Variants in NYAP2 observed in about 807,000 individuals in gnomAD.
The protein encoded by NYAP2 is neuronal tyrosine-phosphorylated phosphoinositide-3-kinase adapter 2.
Under a neutral mutation model 50.4 loss-of-function variants are expected in NYAP2, and 23 were observed. That is an observed-to-expected ratio of 0.46 (90% CI 0.33 to 0.65). The LOEUF (loss-of-function observed/expected upper bound fraction) is 0.65. Ranked by LOEUF, NYAP2 falls within the 30% of genes least tolerant of loss-of-function variation. The pLI is 0.02. For missense variants in NYAP2, 885 were observed against 861.0 expected, an observed-to-expected ratio of 1.03 and a Z score of -0.35; for synonymous variants, 394 against 365.2, an observed-to-expected ratio of 1.08 and a Z score of -0.90.
intron 3 of NYAP2, among the ~76,000 whole-genome samples, chr2:225,431,268 T>C (rs1340909169): frequency 6.6e-6 from 1 of 152,266 alleles, no homozygotes; most frequent in Non-Finnish European, 1.5e-5. Context: ...GTGATCTCCA[T>C]ATGCTGCTGT....
At chr2:225,445,212 T>C (rs1022156267) in intron 3 of NYAP2, among the ~76,000 whole-genome samples, 2 of 152,172 alleles carry the variant, frequency 1.3e-5, no homozygotes, top group Non-Finnish European at 2.9e-5. Context: ...TTTACCAAAA[T>C]ACCACGTTCA....
chr2:225,683,010 TC>T, the NYAP2 span, among the ~76,000 whole-genome samples: 60,881 of 150,950 alleles, frequency 0.4, 14,098 homozygotes, highest in African/African-American at 0.66. Flanking sequence ...AATAGTCATT[TC>T]CCCCCCCCAT....
At position 225,582,712 on chromosome 2, in the gene NYAP2, G is replaced by C; in HGVS notation, c.1295G>C (p.Ser432Thr). 6.2e-7 allele frequency: 1 copy of C among 1,608,836 alleles called. No homozygotes were observed. The highest frequency in any genetic ancestry group is 8.5e-7 in the Non-Finnish European group (1 of 1,176,754). Reference sequence around the variant, plus strand: ...CAGTCTCCCCATGGCTACCCTAAAAGTCACTCCACCTCTCCCTCCCCCGTC... The same window carrying C: ...CAGTCTCCCCATGGCTACCCTAAAACTCACTCCACCTCTCCCTCCCCCGTC... Residue 432 changes from serine to threonine, a missense_variant, in exon 5 of 7, where the codon AGT becomes ACT. Transcript: ENST00000636099. This position sits in a 1 kb window ranked among gnomAD's most constrained non-coding sequence, Gnocchi z 7.0.
chr2:225,415,245 C>G (rs1023293628), intron 3 of NYAP2, among the ~76,000 whole-genome samples: 1 of 152,110 alleles, frequency 6.6e-6, no homozygotes, highest in South Asian at 2.1e-4. Flanking sequence ...TGAAAGCTAT[C>G]TGTATTTGAA....
the NYAP2 span, among the ~76,000 whole-genome samples, chr2:225,676,100 T>A: frequency 8.5e-5 from 13 of 152,154 alleles, no homozygotes; most frequent in African/African-American, 3.1e-4. Flanking sequence ...TCATTCTATA[T>A]GCTGTATGTT....
the NYAP2 span, among the ~76,000 whole-genome samples, chr2:225,676,721 C>T: frequency 2.6e-5 from 4 of 152,172 alleles, no homozygotes; most frequent in African/African-American, 4.8e-5. Context: ...CCTCTCACAA[C>T]ATGTGGAAAT....
intron 3 of NYAP2, among the ~76,000 whole-genome samples, chr2:225,459,381 A>T (rs1020800627): frequency 3.9e-5 from 6 of 152,120 alleles, no homozygotes; most frequent in Non-Finnish European, 7.4e-5. Flanking sequence ...TTCCTCTCCC[A>T]CCTGATGTTT....
chr2:225,569,224 A>G (rs140589446), intron 4 of NYAP2, among the ~76,000 whole-genome samples: 164 of 152,348 alleles, frequency 1.1e-3, no homozygotes, highest in African/African-American at 3.8e-3. Context: ...GAAATAGAAG[A>G]CAATGGCTTA....
chr2:225,648,060 G>T (rs1478469533), intron 6 of NYAP2, among the ~76,000 whole-genome samples: 1 of 152,148 alleles, frequency 6.6e-6, no homozygotes, highest in Non-Finnish European at 1.5e-5. Flanking sequence ...GAGTGCAATG[G>T]CATGGTCTTG....
chr2:225,430,428 CAA>C (rs899614817), intron 3 of NYAP2, among the ~76,000 whole-genome samples: 10 of 152,244 alleles, frequency 6.6e-5, no homozygotes, highest in Admixed American at 2.6e-4. Context: ...TTAATAGCAT[CAA>C]AGTTATTTAT....
chr2:225,469,093 G>C (rs1429720022), intron 3 of NYAP2, among the ~76,000 whole-genome samples: 1 of 152,120 alleles, frequency 6.6e-6, no homozygotes, highest in Non-Finnish European at 1.5e-5. Context: ...CTACAGAATG[G>C]GAGAAAATTT....
chr2:225,516,503 T>C (rs550344549), intron 4 of NYAP2, among the ~76,000 whole-genome samples: 1 of 152,128 alleles, frequency 6.6e-6, no homozygotes, highest in Non-Finnish European at 1.5e-5. Context: ...TAGACTCCCA[T>C]AGAGAAGTGA....
Position 225,433,197 on chromosome 2 carries a change from C to A in NYAP2, c.221+24096C>A, listed in dbSNP as rs780970588. 9.9e-5 allele frequency among the ~76,000 whole-genome samples: 15 copies of A among 151,996 alleles called. 1 individual carries two copies. Among genetic ancestry groups the A allele is most frequent in the South Asian group, 2.1e-4 (1 of 4,818 alleles). On this transcript the variant is annotated intron_variant, in intron 3 of 6. Transcript: ENST00000636099. ...TCTAATTATGTATTCACTAAGAAAG[C>A]CATTTTAGCTGGGTGCAGTAGTGCA...
intron 3 of NYAP2, among the ~76,000 whole-genome samples, chr2:225,507,413 A>G (rs6713607): frequency 0.32 from 47,953 of 152,104 alleles, 7,703 homozygotes; most frequent in South Asian, 0.48. Context: ...GATTTCAAGC[A>G]GACAGCAAGA....
At chr2:225,421,811 A>C (rs1045147550) in intron 3 of NYAP2, among the ~76,000 whole-genome samples, 2 of 152,084 alleles carry the variant, frequency 1.3e-5, no homozygotes, top group African/African-American at 4.8e-5. Context: ...AACCTCAGCA[A>C]CTCACAACTC....
rs144259862 is a variant in NYAP2, at chr2:225,479,897, T to C, written c.222-33474T>C. Among the ~76,000 whole-genome samples the C allele has an allele frequency of 2.4e-3, 361 of 152,190 alleles. 3 individuals are homozygous for C. The highest frequency in any genetic ancestry group is 8.2e-3 in the African/African-American group (341 of 41,564). ...TCAAAGCATCTTTCTTAATGCAAAA[T>C]AGTATTGCACCTCCATATTCCTCTC... On this transcript the variant is annotated intron_variant, in intron 3 of 6. Transcript: ENST00000636099.
chr2:225,685,449 T>C, the NYAP2 span, among the ~76,000 whole-genome samples: 1 of 152,166 alleles, frequency 6.6e-6, no homozygotes, highest in African/African-American at 2.4e-5. Context: ...GAAGGCCTTC[T>C]ATTTACAGAA....
chr2:225,456,477 A>C (rs890198927), intron 3 of NYAP2, among the ~76,000 whole-genome samples: 1 of 152,198 alleles, frequency 6.6e-6, no homozygotes, highest in Non-Finnish European at 1.5e-5. Flanking sequence ...AAAGCAACTC[A>C]ACAGTCAAAG....
the NYAP2 span, among the ~76,000 whole-genome samples, chr2:225,691,496 C>T: frequency 6.6e-6 from 1 of 151,970 alleles, no homozygotes; most frequent in Non-Finnish European, 1.5e-5. Flanking sequence ...TGTAGTTTGC[C>T]GACCCCTATC....
Sources: gnomAD v4.1 joint callset for allele counts (sites outside exome capture counted in the v4.1 genomes callset) on GRCh38, gnomAD v4.1.1 for gene constraint, Gnocchi (gnomAD v3.1) non-coding constraint, MANE v1.5 for transcripts, NCBI Gene and HGNC (gene_info 2026-07-23, HGNC 2026-07-21) for gene names.